QTMAN: variants seen among roughly 807,000 people sequenced by gnomAD.
QTMAN encodes tRNA-queuosine alpha-mannosyltransferase.
the QTMAN span, among the ~76,000 whole-genome samples, chr2:144,166,738 A>G: frequency 6.6e-6 from 1 of 152,214 alleles, no homozygotes; most frequent in South Asian, 2.1e-4. Context: ...TATTCATGTT[A>G]AAGTCAAACT....
At chr2:144,329,564 A>G in the QTMAN span, among the ~76,000 whole-genome samples, 1 of 152,246 alleles carries the variant, frequency 6.6e-6, no homozygotes, top group Non-Finnish European at 1.5e-5. Flanking sequence ...CTTTGCTCTC[A>G]TGGAAACATT....
At chr2:144,027,095 G>T in the QTMAN span, among the ~76,000 whole-genome samples, 3 of 152,142 alleles carry the variant, frequency 2.0e-5, no homozygotes, top group African/African-American at 7.2e-5. Context: ...TATACATAAT[G>T]TCCCTGAGCT....
At chr2:143,971,430 C>A in the QTMAN span, among the ~76,000 whole-genome samples, 3 of 152,010 alleles carry the variant, frequency 2.0e-5, no homozygotes, top group Non-Finnish European at 2.9e-5. Context: ...AAAGATAATT[C>A]TTTCATTTAG....
the QTMAN span, among the ~76,000 whole-genome samples, chr2:144,093,719 G>A: frequency 1.4e-4 from 21 of 152,290 alleles, no homozygotes; most frequent in East Asian, 4.0e-3. Context: ...AGAAGGGTCA[G>A]GGGAGTTGTT....
the QTMAN span, among the ~76,000 whole-genome samples, chr2:144,274,282 G>T: frequency 6.6e-6 from 1 of 152,160 alleles, no homozygotes; most frequent in Non-Finnish European, 1.5e-5. Flanking sequence ...CTCCTAAGAC[G>T]TTTGTAATTT....
the QTMAN span, among the ~76,000 whole-genome samples, chr2:144,210,647 G>A: frequency 6.6e-6 from 1 of 152,234 alleles, no homozygotes; most frequent in Admixed American, 6.5e-5. Context: ...GCTCTAATAA[G>A]GTAGTGTTCA....
chr2:143,962,181 T>G, the QTMAN span, among the ~76,000 whole-genome samples: 1 of 152,050 alleles, frequency 6.6e-6, no homozygotes, highest in African/African-American at 2.4e-5. Context: ...TATGGTGCAG[T>G]GTGATACATG....
At chr2:144,173,539 G>A in the QTMAN span, among the ~76,000 whole-genome samples, 3 of 152,110 alleles carry the variant, frequency 2.0e-5, no homozygotes, top group African/African-American at 4.8e-5. Context: ...ACTAACAACC[G>A]TGTGAGCTTG....
the QTMAN span, chr2:144,211,488 A>G: frequency 6.5e-6 from 1 of 152,708 alleles, no homozygotes; most frequent in African/African-American, 2.4e-5. Context: ...GTGGAGACAG[A>G]CATATCCTGG....
chr2:144,049,557 T>C, the QTMAN span, among the ~76,000 whole-genome samples: 1 of 152,184 alleles, frequency 6.6e-6, no homozygotes, highest in African/African-American at 2.4e-5. Flanking sequence ...AATAGAACCC[T>C]AACCTTTAGT....
chr2:144,071,274 C>T, the QTMAN span, among the ~76,000 whole-genome samples: 327 of 147,974 alleles, frequency 2.2e-3, 1 homozygote, highest in African/African-American at 7.8e-3. Flanking sequence ...GTCTTAGGAA[C>T]AAAATAGAGT....
At chr2:144,307,187 T>TAAAAAAAAAAAAAAAAAAAAAAAAAAA in the QTMAN span, among the ~76,000 whole-genome samples, 1 of 78,852 alleles carries the variant, frequency 1.3e-5, no homozygotes, top group Non-Finnish European at 2.7e-5. Flanking sequence ...AAAAAAACAA[T>TAAAAAAAAAAAAAAAAAAAAAAAAAAA]TAAAAAAAAA....
At chr2:144,128,597 T>C in the QTMAN span, among the ~76,000 whole-genome samples, 4 of 152,038 alleles carry the variant, frequency 2.6e-5, no homozygotes, top group Admixed American at 1.3e-4. Context: ...AACAATTTCA[T>C]GAAGTTTTTT....
At chr2:144,194,088 CAG>C in the QTMAN span, among the ~76,000 whole-genome samples, 1 of 152,030 alleles carries the variant, frequency 6.6e-6, no homozygotes, top group South Asian at 2.1e-4. Flanking sequence ...TTAAAATAAA[CAG>C]AGACTAGAGA....
At chr2:144,296,529 T>G in the QTMAN span, among the ~76,000 whole-genome samples, 2 of 152,220 alleles carry the variant, frequency 1.3e-5, no homozygotes, top group Non-Finnish European at 2.9e-5. Flanking sequence ...AAAAATATTC[T>G]ATCCACACAA....
chr2:144,103,367 C>A, the QTMAN span, among the ~76,000 whole-genome samples: 2 of 152,222 alleles, frequency 1.3e-5, no homozygotes, highest in Non-Finnish European at 2.9e-5. Flanking sequence ...ATCTGTTCAT[C>A]TGTTCATGCA....
At chr2:144,182,844 ATATATATTTTATATAT>A in the QTMAN span, among the ~76,000 whole-genome samples, 1 of 64,596 alleles carries the variant, frequency 1.5e-5, no homozygotes, top group South Asian at 3.5e-4. Context: ...TATATATTAT[ATATATATTTTATATAT>A]AATATATATA....
the QTMAN span, among the ~76,000 whole-genome samples, chr2:143,955,977 C>T: frequency 6.6e-6 from 1 of 152,146 alleles, no homozygotes; most frequent in Non-Finnish European, 1.5e-5. Context: ...GTCCATCTGC[C>T]CAGGGCTGTG....
the QTMAN span, among the ~76,000 whole-genome samples, chr2:143,999,117 G>C: frequency 2.0e-5 from 3 of 152,112 alleles, no homozygotes; most frequent in East Asian, 5.8e-4. Context: ...TTCTGTCTCT[G>C]TCCTGAAAAA....
Sources: gnomAD v4.1 joint callset for allele counts (sites outside exome capture counted in the v4.1 genomes callset) on GRCh38, gnomAD v4.1.1 for gene constraint, MANE v1.5 for transcripts, NCBI Gene and HGNC (gene_info 2026-07-23, HGNC 2026-07-21) for gene names.